TRIP13: variants seen among roughly 807,000 people sequenced by gnomAD.
TRIP13 encodes thyroid hormone receptor interactor 13.
In TRIP13, 25 loss-of-function variants were observed where a neutral mutation model predicts 54.4. That is an observed-to-expected ratio of 0.46 (90% CI 0.33 to 0.64). The LOEUF (loss-of-function observed/expected upper bound fraction) is 0.64, where lower values mean the gene tolerates loss of function less well. TRIP13 is among the 30% of genes least tolerant of loss of function. TRIP13 has a pLI of 0.02. For synonymous variants in TRIP13, 207 were observed against 207.8 expected, an observed-to-expected ratio of 1.00 and a Z score of 0.03; for missense variants, 373 against 534.2, an observed-to-expected ratio of 0.70 and a Z score of 2.97.
At chr5:906,376 T>C (rs1754115836) in intron 6 of TRIP13, among the ~76,000 whole-genome samples, 1 of 152,264 alleles carries the variant, frequency 6.6e-6, no homozygotes. Context: ...CAAAATGTTT[T>C]ATAATTAATT....
chr5:911,558 G>A lies in TRIP13; in HGVS notation c.867-285G>A, dbSNP rs1305631843. Among the ~76,000 whole-genome samples, 2 of 150,040 alleles carry A rather than the reference G, an allele frequency of 1.3e-5. No homozygotes were observed. Among genetic ancestry groups the A allele is most frequent in the East Asian group, 1.9e-4 (1 of 5,160 alleles). On this transcript the variant is annotated intron_variant, in intron 9 of 12. Transcript: ENST00000166345. The surrounding 1 kb of genome is among the most constrained non-coding windows in gnomAD (Gnocchi z 4.7). ...TGCACTCCAGCCTGGGCGAAAGAGC[G>A]AGACTCTGTCTCAAAAAAAAAAAAA...
chr5:911,757 G>T lies in TRIP13; in HGVS notation c.867-86G>T. 2.7e-6 allele frequency: 4 copies of T among 1,502,550 alleles called. No individual in the cohort carries two copies. The highest frequency in any genetic ancestry group is 4.5e-5 in the Admixed American group (2 of 44,020). 93.1% of individuals were successfully genotyped at this position (1,502,550 alleles called of 1,614,324 possible). ...TTGGCAGCCTGCTGGCCATCGTCCT[G>T]CCAACCTCCTTGCCAGATAGGGCAG... On this transcript the variant is annotated intron_variant, in intron 9 of 12. Coordinates refer to ENST00000166345, the MANE Select transcript of TRIP13 (RefSeq NM_004237.4). The surrounding 1 kb of genome is among the most constrained non-coding windows in gnomAD (Gnocchi z 4.7).
rs142482490 is a variant in TRIP13, at chr5:910,182, G to A, written c.867-1661G>A. On this transcript the variant is annotated intron_variant, in intron 9 of 12. Transcript: ENST00000166345. ...GCCCCCGCCGCAGCCCAGCAGCCCC[G>A]CATTCACATGAGTGTTCCCTTTTCT... Among the ~76,000 whole-genome samples, 273 of 152,306 alleles carry A rather than the reference G, an allele frequency of 1.8e-3. 2 individuals carry two copies. The highest frequency in any genetic ancestry group is 6.3e-3 in the African/African-American group (261 of 41,578).
chr5:896,994 G>A (rs1753931120), intron 3 of TRIP13, among the ~76,000 whole-genome samples, 200 bp downstream of exon 3: 1 of 152,216 alleles, frequency 6.6e-6, no homozygotes, highest in Non-Finnish European at 1.5e-5. Flanking sequence ...GTTCCTTTGG[G>A]TGGGTACCTT....
chr5:911,770 C>G lies in TRIP13; in HGVS notation c.867-73C>G. 1 of 1,525,252 alleles carries G rather than the reference C, an allele frequency of 6.6e-7. No individual in the cohort carries two copies. The highest frequency in any genetic ancestry group is 8.8e-7 in the Non-Finnish European group (1 of 1,135,750). 94.5% of individuals were successfully genotyped at this position (1,525,252 alleles called of 1,614,324 possible). ...GGCCATCGTCCTGCCAACCTCCTTGCCAGATAGGGCAGGATAGAATTGGGT... is the reference window on the plus strand; with the variant it reads ...GGCCATCGTCCTGCCAACCTCCTTGGCAGATAGGGCAGGATAGAATTGGGT... On this transcript the variant is annotated intron_variant, in intron 9 of 12. Transcript: ENST00000166345. The surrounding 1 kb of genome is among the most constrained non-coding windows in gnomAD (Gnocchi z 4.7).
Position 912,131 on chromosome 5 carries a change from A to T in TRIP13, c.1020+135A>T. On this transcript the variant is annotated intron_variant, in intron 10 of 12. Coordinates refer to ENST00000166345, the MANE Select transcript of TRIP13 (RefSeq NM_004237.4). The surrounding 1 kb of genome is among the most constrained non-coding windows in gnomAD (Gnocchi z 7.2). ...GCATTAACTCCCTTCTTAAATTGAA[A>T]ACTAGTTTTGTATGTGACAGGTTGA... 3.3e-6 allele frequency: 4 copies of T among 1,200,384 alleles called. No individual in the cohort carries two copies. Among genetic ancestry groups the T allele is most frequent in the Non-Finnish European group, 4.6e-6 (4 of 876,156 alleles). 74.4% of individuals were successfully genotyped at this position (1,200,384 alleles called of 1,614,324 possible).
At position 908,278 on chromosome 5, in the gene TRIP13, C is replaced by T. The variant is rs1297472792; in HGVS notation, c.760-77C>T. The T allele has an allele frequency of 8.5e-6, 13 of 1,528,464 alleles. No homozygotes were observed. The highest frequency in any genetic ancestry group is 1.1e-5 in the South Asian group (1 of 89,204). 94.7% of individuals were successfully genotyped at this position (1,528,464 alleles called of 1,614,324 possible). On this transcript the variant is annotated intron_variant, in intron 8 of 12. Transcript: ENST00000166345. The surrounding 1 kb of genome is among the most constrained non-coding windows in gnomAD (Gnocchi z 5.2). ...CATTCATTCATCTTTTTCACGTGCT[C>T]AGCGGGACGTATCCCCATAGCTGCC...
At position 908,725 on chromosome 5, in the gene TRIP13, G is replaced by A. The variant is rs1025429506; in HGVS notation, c.866+264G>A. On this transcript the variant is annotated intron_variant, in intron 9 of 12. Transcript: ENST00000166345. The surrounding 1 kb of genome is among the most constrained non-coding windows in gnomAD (Gnocchi z 5.2). ...TGTAATCCCAGCACTTTGGGAGGCC[G>A]AGGCAGGCGGATCACAAGGTCAGTA... 50 of 1,101,722 alleles carry A rather than the reference G, an allele frequency of 4.5e-5. No individual in the cohort carries two copies. The South Asian group carries it at 7.8e-4, about 17-fold the overall frequency. The allele number at this position is 1,101,722 out of a possible 1,614,324, so 68.2% of individuals were successfully genotyped here. A position where few individuals can be genotyped will look rare whatever the true frequency, so the allele number is the denominator to read the frequency against.
intron 5 of TRIP13, among the ~76,000 whole-genome samples, chr5:902,699 C>A (rs556853357): frequency 9.2e-5 from 14 of 152,242 alleles, no homozygotes; most frequent in Admixed American, 7.8e-4. Context: ...CCTGGGGGAC[C>A]ACTACCACCA....
chr5:916,651 G>A (rs1185712681), intron 12 of TRIP13, among the ~76,000 whole-genome samples: 1 of 152,138 alleles, frequency 6.6e-6, no homozygotes, highest in Non-Finnish European at 1.5e-5. Context: ...GGAATTCTCT[G>A]GTTATAAGCC....
chr5:894,712 T>C (rs1384314104), intron 1 of TRIP13, 75 bp from the exon 2 acceptor site: 1 of 1,501,202 alleles, frequency 6.7e-7, no homozygotes, highest in African/African-American at 1.4e-5. Context: ...TTGTCTGAGT[T>C]TTTCAAAACA....
Position 904,177 on chromosome 5 carries a change from T to A in TRIP13, c.565T>A (p.Cys189Ser). ...TCCTGGCACTGGAAAAACATCCCTG[T>A]GTAAAGCGTTAGCCCAGAAATTGAC... ...GPPGTGKTSLCKALAQKLTIR... is the reference protein window; with the variant it reads ...GPPGTGKTSLSKALAQKLTIR... The change falls in exon 6 of 13, where the codon TGT becomes AGT. Residue 189 changes from cysteine (C) to serine (S), a missense_variant. By Grantham distance (112) the Cys-to-Ser change is moderately radical (BLOSUM62 -1). Coordinates refer to ENST00000166345, the MANE Select transcript of TRIP13 (RefSeq NM_004237.4). 6.2e-7 allele frequency: 1 copy of A among 1,610,078 alleles called. No homozygotes were observed. Among genetic ancestry groups the A allele is most frequent in the Non-Finnish European group, 8.5e-7 (1 of 1,178,916 alleles).
chr5:904,564 A>G (rs1754067767), intron 6 of TRIP13, among the ~76,000 whole-genome samples: 2 of 152,104 alleles, frequency 1.3e-5, no homozygotes, highest in Admixed American at 1.3e-4. Flanking sequence ...TTTGGAAAAT[A>G]CCTGGTCATT....
intron 2 of TRIP13, among the ~76,000 whole-genome samples, 173 bp from the exon 3 acceptor site, chr5:896,492 G>A (rs943356827): frequency 1.3e-5 from 2 of 152,140 alleles, no homozygotes; most frequent in Non-Finnish European, 2.9e-5. Context: ...GCTTTCAAAA[G>A]AGCCAATCCT....
Position 912,131 on chromosome 5 carries a change from AACT to A in TRIP13, c.1020+137_1020+139del. ...GCATTAACTCCCTTCTTAAATTGAA[AACT>A]AGTTTTGTATGTGACAGGTTGAGCT... On this transcript the variant is annotated intron_variant, in intron 10 of 12. Transcript: ENST00000166345. The surrounding 1 kb of genome is among the most constrained non-coding windows in gnomAD (Gnocchi z 7.2). 8.3e-7 allele frequency: 1 copy of A among 1,200,384 alleles called. No individual in the cohort carries two copies. The allele number at this position is 1,200,384 out of a possible 1,614,324, so 74.4% of individuals were successfully genotyped here. A position where few individuals can be genotyped will look rare whatever the true frequency, so the allele number is the denominator to read the frequency against.
Position 896,329 on chromosome 5 carries a change from TA to T in TRIP13, c.259-327del, listed in dbSNP as rs772932384. On this transcript the variant is annotated intron_variant, in intron 2 of 12. Coordinates refer to ENST00000166345, the MANE Select transcript of TRIP13 (RefSeq NM_004237.4). ...ATCCCGTTGCAAAAAATAAGTTAAT[TA>T]AAAAAAAACAAAAAACCTTATATGA... is the stretch of plus-strand genomic sequence containing the variant. Among the ~76,000 whole-genome samples, 9 of 150,730 alleles carry T rather than the reference TA, an allele frequency of 6.0e-5. No individual in the cohort carries two copies. The South Asian group carries it at 6.3e-4, about 11-fold the overall frequency.
At chr5:894,232 G>A (rs1459978951) in intron 1 of TRIP13, among the ~76,000 whole-genome samples, 1 of 152,164 alleles carries the variant, frequency 6.6e-6, no homozygotes, top group Non-Finnish European at 1.5e-5. Context: ...AGTAAGCTGG[G>A]ACAGTGCATA....
rs923650026 is a variant in TRIP13, at chr5:915,747, G to A, written c.1134-157G>A. Among the ~76,000 whole-genome samples the A allele has an allele frequency of 6.6e-6, 1 of 152,200 alleles. No homozygotes were observed. The highest frequency in any genetic ancestry group is 2.4e-5 in the African/African-American group (1 of 41,444). On this transcript the variant is annotated intron_variant, in intron 11 of 12. Coordinates refer to ENST00000166345, the MANE Select transcript of TRIP13 (RefSeq NM_004237.4). This position sits in a 1 kb window ranked among gnomAD's most constrained non-coding sequence, Gnocchi z 4.2. ...GAGACATTCAGAGGGCAAGGCTCAG[G>A]AGACCAGTGAGGGGCAGGAAGTGCC...
At chr5:900,653 G>T in intron 4 of TRIP13, 104 bp downstream of exon 4, 1 of 1,211,270 alleles carries the variant, frequency 8.3e-7, no homozygotes, top group Non-Finnish European at 1.2e-6. Context: ...ATGGGTTTTT[G>T]GGAGCCCCTG....
Sources: gnomAD v4.1 joint callset for allele counts (sites outside exome capture counted in the v4.1 genomes callset) on GRCh38, gnomAD v4.1.1 for gene constraint, Gnocchi (gnomAD v3.1) non-coding constraint, MANE v1.5 for transcripts, NCBI Gene and HGNC (gene_info 2026-07-23, HGNC 2026-07-21) for gene names.